Variants in EPHA6 observed in about 807,000 individuals in gnomAD.
The protein encoded by EPHA6 is EPH receptor A6, also known as ephrin type-A receptor 6.
A neutral mutation model predicts 112.0 loss-of-function variants in EPHA6; 50 were observed. That is an observed-to-expected ratio of 0.45 (90% confidence interval 0.36 to 0.56). The LOEUF (loss-of-function observed/expected upper bound fraction) is 0.56. Among genes scored for constraint, EPHA6 ranks in the 20% least tolerant of loss-of-function variants. The pLI, the probability that EPHA6 is intolerant of heterozygous loss-of-function variation, is 0.00. For missense variants in EPHA6, 1,280 were observed against 1,417.4 expected (o/e 0.90, Z 1.56); for synonymous variants, 529 against 490.7 (o/e 1.08, Z -1.03).
chr3:96,849,940 C>T (rs977888286), intron 1 of EPHA6, among the ~76,000 whole-genome samples: 28 of 152,098 alleles, frequency 1.8e-4, no homozygotes, highest in Non-Finnish European at 2.5e-4. Flanking sequence ...AATTATATTA[C>T]GTTACAGGAT....
At chr3:97,687,256 AAAAC>A in intron 14 of EPHA6, among the ~76,000 whole-genome samples, 1 of 152,328 alleles carries the variant, frequency 6.6e-6, no homozygotes, top group South Asian at 2.1e-4. Flanking sequence ...CACTATAAAA[AAAAC>A]AAAGATAACA....
At chr3:97,542,947 A>C (rs536710105) in intron 11 of EPHA6, among the ~76,000 whole-genome samples, 2 of 151,350 alleles carry the variant, frequency 1.3e-5, no homozygotes, top group African/African-American at 2.4e-5. Context: ...GGGTTGTTTG[A>C]TTTTTTCTTG....
At chr3:97,443,919 T>G (rs1577431564) in intron 6 of EPHA6, among the ~76,000 whole-genome samples, 1 of 152,126 alleles carries the variant, frequency 6.6e-6, no homozygotes, top group Admixed American at 6.6e-5. Context: ...TCTGGACATA[T>G]TTGCTTAAAT....
At chr3:97,379,854 GAGAT>G (rs2085623862) in intron 5 of EPHA6, among the ~76,000 whole-genome samples, 1 of 151,184 alleles carries the variant, frequency 6.6e-6, no homozygotes, top group African/African-American at 2.4e-5. Flanking sequence ...TATTAAATGA[GAGAT>G]AGATGAACTA....
chr3:97,443,419 ACCTAT>A, intron 6 of EPHA6, among the ~76,000 whole-genome samples: 1 of 151,292 alleles, frequency 6.6e-6, no homozygotes, highest in East Asian at 2.0e-4. Flanking sequence ...TAGCACTTGG[ACCTAT>A]TCCTGCACTT....
Position 96,845,785 on chromosome 3 carries a change from G to A in EPHA6, c.386-21040G>A, listed in dbSNP as rs560229595. Among the ~76,000 whole-genome samples the A allele has an allele frequency of 2.0e-5, 3 of 152,060 alleles. No homozygotes were observed. In the East Asian group the frequency reaches 5.8e-4, roughly 29 times the overall value. ...GGATTCATTGAATTGTGGAGCATCTGTTTCCCTGATTCAGAACTGGCTCAA... is the reference window on the plus strand; with the variant it reads ...GGATTCATTGAATTGTGGAGCATCTATTTCCCTGATTCAGAACTGGCTCAA... On this transcript the variant is annotated intron_variant, in intron 1 of 17. Coordinates refer to ENST00000389672, the MANE Select transcript of EPHA6 (RefSeq NM_001080448.3).
chr3:97,538,940 T>C (rs778231789), intron 11 of EPHA6, among the ~76,000 whole-genome samples: 3 of 152,166 alleles, frequency 2.0e-5, no homozygotes, highest in Non-Finnish European at 4.4e-5. Context: ...TCTAGTAATA[T>C]TTATGAACTG....
intron 3 of EPHA6, among the ~76,000 whole-genome samples, chr3:97,086,946 A>G (rs1279203149): frequency 1.3e-5 from 2 of 152,204 alleles, no homozygotes; most frequent in Non-Finnish European, 2.9e-5. Flanking sequence ...GTGAACGAAT[A>G]AGATTCATTG....
In EPHA6 at chr3:97,761,177, G is replaced by A; in HGVS notation, c.*12476G>A. On this transcript the variant is annotated 3_prime_UTR_variant, in exon 18 of 18. Transcript: ENST00000389672. ...AAGTAGTCCAGACTTATTTGAAGGT[G>A]GTACTATTTTTATCTTACAAAAATC... The A allele has an allele frequency of 5.0e-6, 1 of 199,876 alleles. No homozygotes were observed. Among genetic ancestry groups the A allele is most frequent in the Non-Finnish European group, 1.0e-5 (1 of 96,894 alleles). The allele number at this position is 199,876 out of a possible 1,614,324, so 12.4% of individuals were successfully genotyped here. A position where few individuals can be genotyped will look rare whatever the true frequency, so the allele number is the denominator to read the frequency against.
intron 3 of EPHA6, among the ~76,000 whole-genome samples, chr3:97,100,206 C>T (rs72920249): frequency 0.21 from 31,520 of 150,022 alleles, 4,679 homozygotes; most frequent in African/African-American, 0.4. Context: ...ATGCAGTCAC[C>T]TAGAGATCAA....
intron 3 of EPHA6, among the ~76,000 whole-genome samples, chr3:96,993,537 C>T (rs2043294273): frequency 6.6e-6 from 1 of 152,012 alleles, no homozygotes; most frequent in Non-Finnish European, 1.5e-5. Context: ...CTGGCCCCCA[C>T]TATTCTTTCT....
chr3:97,704,781 G>T (rs2033591465), intron 14 of EPHA6, among the ~76,000 whole-genome samples: 1 of 152,062 alleles, frequency 6.6e-6, no homozygotes. Context: ...ATTTAAAGCA[G>T]AGTAAATGGC....
rs565937430 is a variant in EPHA6, at chr3:97,150,322, C to A, written c.1115-75942C>A. Among the ~76,000 whole-genome samples, 7 of 152,048 alleles carry A rather than the reference C, an allele frequency of 4.6e-5. No individual in the cohort carries two copies. The South Asian group carries it at 1.0e-3, about 23-fold the overall frequency. On this transcript the variant is annotated intron_variant, in intron 3 of 17. Coordinates refer to ENST00000389672, the MANE Select transcript of EPHA6 (RefSeq NM_001080448.3). ...TCATCTAAGTTTCCTTTGTTTCGGG[C>A]TTTTTTGAAGACGTTTGTATAGCTA...
chr3:97,560,669 CTG>C (rs1482796703), intron 11 of EPHA6: 1 of 152,026 alleles, frequency 6.6e-6, no homozygotes, highest in Non-Finnish European at 1.5e-5. Flanking sequence ...AAAGGACAAA[CTG>C]AGAATATAGC....
intron 2 of EPHA6, among the ~76,000 whole-genome samples, chr3:96,941,460 A>T (rs2040942135): frequency 6.6e-6 from 1 of 152,150 alleles, no homozygotes; most frequent in Admixed American, 6.5e-5. Flanking sequence ...CAGCTCCTTT[A>T]AGCACTTCTG....
intron 14 of EPHA6, among the ~76,000 whole-genome samples, chr3:97,647,676 A>G (rs1471581753): frequency 6.6e-6 from 1 of 152,132 alleles, no homozygotes; most frequent in Non-Finnish European, 1.5e-5. Context: ...CTGACAGTTC[A>G]CATTGTTTCC....
intron 3 of EPHA6, among the ~76,000 whole-genome samples, chr3:97,059,116 A>G (rs2045941452): frequency 1.3e-5 from 2 of 152,180 alleles, no homozygotes; most frequent in South Asian, 4.1e-4. Flanking sequence ...AGAATAAGAA[A>G]ACTATTGTTT....
At chr3:97,402,277 T>C (rs185350550) in intron 5 of EPHA6, among the ~76,000 whole-genome samples, 3 of 152,198 alleles carry the variant, frequency 2.0e-5, no homozygotes, top group East Asian at 3.9e-4. Context: ...TGCTGTTGTA[T>C]TGGGGTCTTT....
chr3:97,036,125 C>G (rs1490481162), intron 3 of EPHA6, among the ~76,000 whole-genome samples: 3 of 151,996 alleles, frequency 2.0e-5, no homozygotes, highest in Admixed American at 6.6e-5. Flanking sequence ...GCCTCCCGAA[C>G]TGTGAAATAC....
Sources: allele counts gnomAD v4.1 joint callset (sites outside exome capture counted in the v4.1 genomes callset), GRCh38; gene constraint gnomAD v4.1.1; transcripts MANE v1.5; gene names NCBI Gene and HGNC (gene_info 2026-07-23, HGNC 2026-07-21).